MYB: variants seen among roughly 807,000 people sequenced by gnomAD.
MYB encodes the protein transcriptional activator Myb.
In MYB, 28 loss-of-function variants were observed where a neutral mutation model predicts 92.9. That is an observed-to-expected ratio of 0.30 (90% CI 0.22 to 0.41). MYB has a LOEUF of 0.41. Among genes scored for constraint, MYB ranks in the 10% least tolerant of loss-of-function variants. The pLI, the probability that MYB is intolerant of heterozygous loss-of-function variation, is 1.00. For synonymous variants in MYB, 295 were observed against 329.1 expected (o/e 0.90, Z 1.12); for missense variants, 679 against 929.3 (o/e 0.73, Z 3.50).
chr6:135,181,488 C>T lies in MYB; in HGVS notation c.-26C>T. 8 of 1,118,642 alleles carry T rather than the reference C, an allele frequency of 7.2e-6. No homozygotes were observed. The highest frequency in any genetic ancestry group is 8.7e-6 in the Non-Finnish European group (8 of 916,204). The allele number at this position is 1,118,642 out of a possible 1,614,324, so 69.3% of individuals were successfully genotyped here. A position where few individuals can be genotyped will look rare whatever the true frequency, so the allele number is the denominator to read the frequency against. ...AGCCCGGTGCGGTCCCCGCGGCTCT[C>T]GGCGGAGCCCCGCGCCCGCCGCGCC... On this transcript the variant is annotated 5_prime_UTR_variant, in exon 1 of 16. Transcript: ENST00000341911. The surrounding 1 kb of genome is among the most constrained non-coding windows in gnomAD (Gnocchi z 5.3).
rs570622390 is a variant in MYB, at chr6:135,206,698, A to C, written c.2169+3374A>C. Among the ~76,000 whole-genome samples the C allele has an allele frequency of 1.1e-4, 17 of 152,322 alleles. No homozygotes were observed. In the East Asian group the frequency reaches 2.9e-3, roughly 26 times the overall value. On this transcript the variant is annotated intron_variant, in intron 15 of 15. Transcript: ENST00000341911. ...GCAATAGAGTGAGACTCTATCTCAA[A>C]CAAACAAACAAAAATTTAATCTGCT...
At chr6:135,188,664 C>A (rs1776260050) in intron 3 of MYB, among the ~76,000 whole-genome samples, 1 of 151,996 alleles carries the variant, frequency 6.6e-6, no homozygotes, top group African/African-American at 2.4e-5. Flanking sequence ...TGCCCGCCAC[C>A]ATGCCTGGCT....
Position 135,218,057 on chromosome 6 carries a change from T to G in MYB, c.*77T>G. On this transcript the variant is annotated 3_prime_UTR_variant, in exon 16 of 16. Coordinates refer to ENST00000341911, the MANE Select transcript of MYB (RefSeq NM_001130173.2). ...GATATATCATTCCTCAACATGAAAC[T>G]TTTCATGAATGGGAGAAGAACCTAT... is the stretch of plus-strand genomic sequence containing the variant. 4 of 1,138,986 alleles carry G rather than the reference T, an allele frequency of 3.5e-6. No individual in the cohort carries two copies. The highest frequency in any genetic ancestry group is 2.5e-5 in the South Asian group (2 of 79,992). The allele number at this position is 1,138,986 out of a possible 1,614,324, so 70.6% of individuals were successfully genotyped here.
chr6:135,213,605 GGT>G (rs1331059367), intron 15 of MYB, among the ~76,000 whole-genome samples: 1 of 152,196 alleles, frequency 6.6e-6, no homozygotes, highest in Non-Finnish European at 1.5e-5. Flanking sequence ...TTTTAGGCCA[GGT>G]GTAGTGGCTC....
chr6:135,189,629 T>G (rs1776384652), intron 3 of MYB, among the ~76,000 whole-genome samples, 162 bp from the exon 4 acceptor site: 1 of 152,222 alleles, frequency 6.6e-6, no homozygotes, highest in Non-Finnish European at 1.5e-5. Flanking sequence ...TTGCATGTTC[T>G]GTAGCCTGTA....
intron 15 of MYB, among the ~76,000 whole-genome samples, chr6:135,207,303 ATT>A (rs1385945812): frequency 2.0e-5 from 3 of 152,242 alleles, no homozygotes; most frequent in Non-Finnish European, 4.4e-5. Context: ...GTTTCAAAAT[ATT>A]TTAAAATTTG....
In MYB at chr6:135,201,681, C is replaced by T; in HGVS notation, c.1993C>T (p.His665Tyr). 1 of 1,600,934 alleles carries T rather than the reference C, an allele frequency of 6.2e-7. No homozygotes were observed. The highest frequency in any genetic ancestry group is 1.1e-5 in the South Asian group (1 of 89,802). The change falls in exon 14 of 16, where the codon CAC (histidine) becomes TAC (tyrosine). Residue 665 changes from histidine (H) to tyrosine (Y), a missense_variant. Physicochemically the swap from His to Tyr is moderately conservative, Grantham distance 83 (BLOSUM62 2). Coordinates refer to ENST00000341911, the MANE Select transcript of MYB (RefSeq NM_001130173.2). ...TAAATCAGGAAACTTCTTCTGCTCA[C>T]ACCACTGGGAAGGGGACAGTCTGAA... ...TDKSGNFFCSHHWEGDSLNTQ... is the reference protein window; with the variant it reads ...TDKSGNFFCSYHWEGDSLNTQ...
chr6:135,194,803 T>C, intron 8 of MYB: 8 of 764,112 alleles, frequency 1.0e-5, no homozygotes, highest in Admixed American at 6.8e-5. Flanking sequence ...TATGGTACCA[T>C]TTTGGTTTTT....
At chr6:135,195,188 C>A (rs1777137575) in intron 8 of MYB, 1 of 892,872 alleles carries the variant, frequency 1.1e-6, no homozygotes, top group Non-Finnish European at 1.5e-6. Context: ...TGCAATTTCT[C>A]CTGTTGTGTG....
At position 135,192,753 on chromosome 6, in the gene MYB, G is replaced by C. The variant is rs752726722; in HGVS notation, c.762+195G>C. 6.0e-4 allele frequency among the ~76,000 whole-genome samples: 92 copies of C among 152,198 alleles called. 4 individuals carry two copies. Among genetic ancestry groups the C allele is most frequent in the Middle Eastern group, 3.2e-3 (1 of 316 alleles). The stretch of plus-strand genomic sequence containing the variant: ...CCCTGGTTTATGTCTCCAGAAACGA[G>C]GATGGTAAGCGCTTTGCCCAGGGTG... On this transcript the variant is annotated intron_variant, in intron 6 of 15. Transcript: ENST00000341911.
At chr6:135,202,770 G>A (rs1383459815) in intron 14 of MYB, 1 of 378,546 alleles carries the variant, frequency 2.6e-6, no homozygotes, top group Non-Finnish European at 5.2e-6. Context: ...GGATGGTGCT[G>A]GGTTGGAACT....
At chr6:135,195,357 C>CATTAACAAA in intron 8 of MYB, 1 of 177,542 alleles carries the variant, frequency 5.6e-6, no homozygotes, top group Non-Finnish European at 1.2e-5. Context: ...CCTGAGTCCT[C>CATTAACAAA]TAGCTTTTTT....
At chr6:135,211,477 TAGAG>T (rs1375721589) in intron 15 of MYB, among the ~76,000 whole-genome samples, 1 of 152,014 alleles carries the variant, frequency 6.6e-6, no homozygotes, top group Non-Finnish European at 1.5e-5. Flanking sequence ...TGGTGACACT[TAGAG>T]AGAATAAACA....
In MYB at chr6:135,218,989, A is replaced by G. The variant is rs1279556251; in HGVS notation, c.*1009A>G. The G allele has an allele frequency of 4.4e-6, 1 of 225,242 alleles. No individual in the cohort carries two copies. The highest frequency in any genetic ancestry group is 8.9e-6 in the Non-Finnish European group (1 of 112,782). 14.0% of individuals were successfully genotyped at this position (225,242 alleles called of 1,614,324 possible). On this transcript the variant is annotated 3_prime_UTR_variant, in exon 16 of 16. Coordinates refer to ENST00000341911, the MANE Select transcript of MYB (RefSeq NM_001130173.2). ...TGATCCGCATCCCCTGTGGTTTCTA[A>G]GTGTATGGTCTCAGAACTGTTGCAT...
At chr6:135,183,747 G>GAA (rs1169317849) in intron 1 of MYB, among the ~76,000 whole-genome samples, 1 of 152,216 alleles carries the variant, frequency 6.6e-6, no homozygotes, top group Non-Finnish European at 1.5e-5. Flanking sequence ...AGGTCCTGCA[G>GAA]AAGTCACTCT....
chr6:135,199,451 T>G lies in MYB; in HGVS notation c.1709+401T>G, dbSNP rs1323475669. ...TACCTAGTTTGTATTTTTATTTAAT[T>G]TTATTTGTTTATTATTTATTTATTT... is the stretch of plus-strand genomic sequence containing the variant. On this transcript the variant is annotated intron_variant, in intron 11 of 15. Transcript: ENST00000341911. The G allele has an allele frequency of 6.7e-6, 3 of 450,024 alleles. No individual in the cohort carries two copies. The Admixed American group carries it at 1.6e-4, about 23-fold the overall frequency. The allele number at this position is 450,024 out of a possible 1,614,324, so 27.9% of individuals were successfully genotyped here. A position where few individuals can be genotyped will look rare whatever the true frequency, so the allele number is the denominator to read the frequency against.
chr6:135,187,399 A>AT (rs891063199), intron 2 of MYB, among the ~76,000 whole-genome samples: 2 of 152,158 alleles, frequency 1.3e-5, no homozygotes, highest in African/African-American at 4.8e-5. Context: ...ACTGGAATGC[A>AT]TTTTTTCCTA....
chr6:135,215,680 G>A (rs1305581212), intron 15 of MYB, among the ~76,000 whole-genome samples: 1 of 151,964 alleles, frequency 6.6e-6, no homozygotes. Context: ...CCTCCCACTG[G>A]CAATGTACAA....
chr6:135,203,412 G>A (rs1465827986), intron 15 of MYB, 88 bp downstream of exon 15: 6 of 1,082,946 alleles, frequency 5.5e-6, no homozygotes, highest in Non-Finnish European at 5.6e-6. Context: ...GGTGATGGTA[G>A]TGCTGGTGGT....
Sources: gnomAD v4.1 joint callset for allele counts (sites outside exome capture counted in the v4.1 genomes callset) on GRCh38, gnomAD v4.1.1 for gene constraint, Gnocchi (gnomAD v3.1) non-coding constraint, MANE v1.5 for transcripts, NCBI Gene and HGNC (gene_info 2026-07-23, HGNC 2026-07-21) for gene names.